ZBTB46: variants seen among roughly 807,000 people sequenced by gnomAD.
ZBTB46 encodes zinc finger and BTB domain containing 46.
Under a neutral mutation model 44.1 loss-of-function variants are expected in ZBTB46, and 8 were observed. That is an observed-to-expected ratio of 0.18 (90% CI 0.11 to 0.33). ZBTB46 has a LOEUF of 0.33. Ranked by LOEUF, ZBTB46 falls within the 10% of genes least tolerant of loss-of-function variation. The probability of loss-of-function intolerance (pLI) is 1.00; values close to 1 mark genes in which losing one functional copy is unlikely to be tolerated. For missense variants in ZBTB46, 651 were observed against 847.7 expected (o/e 0.77, Z 2.88); for synonymous variants, 409 against 382.3 (o/e 1.07, Z -0.81).
intron 1 of ZBTB46, among the ~76,000 whole-genome samples, chr20:63,811,398 A>G (rs898307869): frequency 1.3e-5 from 2 of 152,336 alleles, no homozygotes; most frequent in East Asian, 3.9e-4. Context: ...AAGACACTAC[A>G]GCCCCAGGCC....
chr20:63,830,679 T>C (rs1335001625), intron 1 of ZBTB46, among the ~76,000 whole-genome samples: 2 of 146,802 alleles, frequency 1.4e-5, no homozygotes, highest in Non-Finnish European at 3.0e-5. Context: ...GGGCCAGGCG[T>C]TGACGCAGCA....
At chr20:63,798,673 T>TAAAAAAAAAAAAAA (rs1568882836) in intron 1 of ZBTB46, among the ~76,000 whole-genome samples, 2 of 2,018 alleles carry the variant, frequency 9.9e-4, no homozygotes, top group Non-Finnish European at 2.3e-3. Context: ...AGACTCTGTC[T>TAAAAAAAAAAAAAA]CAAAAAAAAA....
At chr20:63,766,033 G>A (rs1243286085) in intron 3 of ZBTB46, among the ~76,000 whole-genome samples, 3 of 151,952 alleles carry the variant, frequency 2.0e-5, no homozygotes, top group African/African-American at 7.2e-5. Flanking sequence ...AGAGCAAAAG[G>A]CAAAGCTGTC....
intron 1 of ZBTB46, among the ~76,000 whole-genome samples, chr20:63,802,248 C>A (rs974926051): frequency 3.0e-4 from 45 of 152,044 alleles, no homozygotes; most frequent in African/African-American, 1.1e-3. Context: ...CATGGTAAAC[C>A]CCCGTCTCTA....
chr20:63,769,918 C>T (rs987165550), intron 3 of ZBTB46, among the ~76,000 whole-genome samples: 5 of 152,210 alleles, frequency 3.3e-5, no homozygotes, highest in South Asian at 2.1e-4. Flanking sequence ...CGGGCCCAGC[C>T]GCTCCGCCAT....
rs1230796831 is a variant in ZBTB46 at position 63,751,736 on chromosome 20, GC to G, written c.1398+949del. ...CCGGTGGGTCGCACCATGAAGCCCC[GC>G]CCCCCGGTGGGTCTCCCATGAAGCC... On this transcript the variant is annotated intron_variant, in intron 4 of 4. Coordinates refer to ENST00000245663, the MANE Select transcript of ZBTB46 (RefSeq NM_001369741.1). Among the ~76,000 whole-genome samples the G allele has an allele frequency of 7.3e-5, 4 of 54,582 alleles. 1 individual carries two copies. The highest frequency in any genetic ancestry group is 3.6e-4 in the African/African-American group (4 of 11,236). 35.8% of individuals were successfully genotyped at this position (54,582 alleles called of 152,430 possible). A position where few individuals can be genotyped will look rare whatever the true frequency, so the allele number is the denominator to read the frequency against.
chr20:63,817,799 G>A (rs151306260), intron 1 of ZBTB46, among the ~76,000 whole-genome samples: 26 of 152,184 alleles, frequency 1.7e-4, no homozygotes, highest in African/African-American at 6.3e-4. Context: ...GACAGAGGCA[G>A]AGGCTGGAGC....
At chr20:63,823,371 G>A (rs2092803019) in intron 1 of ZBTB46, among the ~76,000 whole-genome samples, 2 of 151,588 alleles carry the variant, frequency 1.3e-5, no homozygotes, top group South Asian at 2.1e-4. Context: ...GGTGGCACAC[G>A]CCTATAATCC....
At chr20:63,754,789 C>T (rs1304496564) in intron 3 of ZBTB46, among the ~76,000 whole-genome samples, 5 of 151,728 alleles carry the variant, frequency 3.3e-5, no homozygotes, top group African/African-American at 7.3e-5. Flanking sequence ...TTAGTAGAGA[C>T]GGGGTTTCAC....
Position 63,784,275 on chromosome 20 carries a change from C to A in ZBTB46, c.937+5546G>T, listed in dbSNP as rs540173516. Among the ~76,000 whole-genome samples, 11 of 152,294 alleles carry A rather than the reference C, an allele frequency of 7.2e-5. No individual in the cohort carries two copies. In the South Asian group the frequency reaches 2.3e-3, roughly 32 times the overall value. On this transcript the variant is annotated intron_variant, in intron 2 of 4. Transcript: ENST00000245663. ...CCTGGTCCAAGAAGCAGCTCGAAGACCACCCTACCCTGAGAGCTGGGACCC... is the reference window on the plus strand; with the variant it reads ...CCTGGTCCAAGAAGCAGCTCGAAGAACACCCTACCCTGAGAGCTGGGACCC...
At chr20:63,769,468 T>G in intron 3 of ZBTB46, 1 of 983,626 alleles carries the variant, frequency 1.0e-6, no homozygotes, top group Non-Finnish European at 1.2e-6. Context: ...GCACTGACGA[T>G]CTTCCCGGCA....
At chr20:63,823,858 T>TTCTGTGTGTGTGTGTGTGTG (rs144086739) in intron 1 of ZBTB46, among the ~76,000 whole-genome samples, 2,001 of 144,796 alleles carry the variant, frequency 0.014, 41 homozygotes, top group African/African-American at 0.04. Context: ...TCTAGGAACC[T>TTCTGTGTGTGTGTGTGTGTG]TGTGTGTGTG....
rs1460973773 is a variant in ZBTB46 at position 63,747,311 on chromosome 20, C to T, written c.1399-10G>A. On this transcript the variant is annotated splice_polypyrimidine_tract_variant and intron_variant, in intron 4 of 4. Coordinates refer to ENST00000245663, the MANE Select transcript of ZBTB46 (RefSeq NM_001369741.1). ...TGTCCTTGCTGTGGACCTGCAGAGG[C>T]AGGGCAGGGGGTGAGCAGGGCCTGG... 1.6e-6 allele frequency: 2 copies of T among 1,270,194 alleles called. No individual in the cohort carries two copies. The highest frequency in any genetic ancestry group is 2.0e-6 in the Non-Finnish European group (2 of 998,054). 78.7% of individuals were successfully genotyped at this position (1,270,194 alleles called of 1,614,324 possible).
intron 3 of ZBTB46, among the ~76,000 whole-genome samples, chr20:63,771,390 G>A (rs1337756693): frequency 6.6e-6 from 1 of 152,170 alleles, no homozygotes; most frequent in Non-Finnish European, 1.5e-5. Flanking sequence ...CCAGAAGGAG[G>A]GGAGGGAGAG....
chr20:63,808,405 G>T (rs1308974637), intron 1 of ZBTB46, among the ~76,000 whole-genome samples: 1 of 152,214 alleles, frequency 6.6e-6, no homozygotes, highest in African/African-American at 2.4e-5. Flanking sequence ...GGGGCGTGGG[G>T]CGGAAGCGGG....
At chr20:63,765,040 CGTGCGTGT>C (rs1403687152) in intron 3 of ZBTB46, among the ~76,000 whole-genome samples, 4 of 47,526 alleles carry the variant, frequency 8.4e-5, no homozygotes, top group Admixed American at 3.9e-4. Context: ...TGTGTGTGTG[CGTGCGTGT>C]GTGTGTATGT....
At chr20:63,833,388 G>A (rs1014815654), upstream of ZBTB46, among the ~76,000 whole-genome samples, 6 of 152,142 alleles carry the variant, frequency 3.9e-5, no homozygotes, top group African/African-American at 1.2e-4. Context: ...TCAGGAGATC[G>A]AGACCATCCT....
intron 3 of ZBTB46, among the ~76,000 whole-genome samples, chr20:63,771,355 G>A (rs2092369897): frequency 6.6e-6 from 1 of 152,106 alleles, no homozygotes; most frequent in African/African-American, 2.4e-5. Context: ...GCAATGGGAG[G>A]ACACGGCTCT....
chr20:63,773,369 C>T lies in ZBTB46; in HGVS notation c.1222+2309G>A, dbSNP rs868003470. ...TCAGCCGCCTGAGTAGCTGGGACTA[C>T]GGGCACAAGGCACCATCATGCTGGG... On this transcript the variant is annotated intron_variant, in intron 3 of 4. Transcript: ENST00000245663. 5.9e-5 allele frequency among the ~76,000 whole-genome samples: 9 copies of T among 151,992 alleles called. 1 individual carries two copies. The highest frequency in any genetic ancestry group is 9.7e-5 in the African/African-American group (4 of 41,364).
Sources: allele counts gnomAD v4.1 joint callset (sites outside exome capture counted in the v4.1 genomes callset), GRCh38; gene constraint gnomAD v4.1.1; transcripts MANE v1.5; gene names NCBI Gene and HGNC (gene_info 2026-07-23, HGNC 2026-07-21).